GNPTAB: variants seen among roughly 807,000 people sequenced by gnomAD.
GNPTAB encodes the protein N-acetylglucosamine-1-phosphate transferase subunits alpha and beta.
In GNPTAB, 92 loss-of-function variants were observed where a neutral mutation model predicts 136.6. That is an observed-to-expected ratio of 0.67 (90% confidence interval 0.57 to 0.80). The LOEUF (loss-of-function observed/expected upper bound fraction) is 0.80, where lower values mean the gene tolerates loss of function less well. Among genes scored for constraint, GNPTAB ranks in the 30% least tolerant of loss-of-function variants. The probability of loss-of-function intolerance (pLI) is 0.00; values close to 1 mark genes in which losing one functional copy is unlikely to be tolerated. For synonymous variants in GNPTAB, 512 were observed against 535.1 expected (o/e 0.96, Z 0.60); for missense variants, 1,343 against 1,501.8 (o/e 0.89, Z 1.75).
chr12:101,767,947 G>A (rs750611385), intron 11 of GNPTAB, 90 bp downstream of exon 11: 1 of 1,339,366 alleles, frequency 7.5e-7, no homozygotes, highest in Non-Finnish European at 1.1e-6. Context: ...CATAAAGAAT[G>A]TTTGGTTAAG....
At chr12:101,824,432 ATTTTC>A (rs1870979355) in intron 1 of GNPTAB, among the ~76,000 whole-genome samples, 1 of 50,886 alleles carries the variant, frequency 2.0e-5, no homozygotes, top group Non-Finnish European at 3.5e-5. Flanking sequence ...ATATATATAT[ATTTTC>A]TTTTTTTTTT....
At chr12:101,791,430 A>G (rs977453504) in intron 2 of GNPTAB, among the ~76,000 whole-genome samples, 3 of 151,840 alleles carry the variant, frequency 2.0e-5, no homozygotes, top group African/African-American at 7.3e-5. Context: ...CACACATAAA[A>G]TACACTAACA....
chr12:101,830,523 G>C, intron 1 of GNPTAB, 36 bp downstream of exon 1: 1 of 1,275,600 alleles, frequency 7.8e-7, no homozygotes, highest in Non-Finnish European at 1.1e-6. Context: ...GTGCAGGGTC[G>C]AGGCGCCCGG....
In GNPTAB at chr12:101,825,757, T is replaced by C. The variant is rs563177077; in HGVS notation, c.117+4802A>G. 1.0e-3 allele frequency among the ~76,000 whole-genome samples: 159 copies of C among 152,358 alleles called. 1 individual carries two copies. Among genetic ancestry groups the C allele is most frequent in the African/African-American group, 3.7e-3 (154 of 41,580 alleles). On this transcript the variant is annotated intron_variant, in intron 1 of 20. Coordinates refer to ENST00000299314, the MANE Select transcript of GNPTAB (RefSeq NM_024312.5). ...ATGTATATTCACAAAACATTAAAGCTAAAATGAGGCTCTTAGAAATATAGT... is the reference window on the plus strand; with the variant it reads ...ATGTATATTCACAAAACATTAAAGCCAAAATGAGGCTCTTAGAAATATAGT...
At chr12:101,784,283 AGG>A (rs1868505782) in intron 5 of GNPTAB, among the ~76,000 whole-genome samples, 1 of 152,208 alleles carries the variant, frequency 6.6e-6, no homozygotes, top group Non-Finnish European at 1.5e-5. Flanking sequence ...TGGACGAAGC[AGG>A]GGATGTACTG....
rs114458598 is a variant in GNPTAB at position 101,808,879 on chromosome 12, C to T, written c.118-12117G>A. On this transcript the variant is annotated intron_variant, in intron 1 of 20. Transcript: ENST00000299314. Reference sequence around the variant, plus strand: ...AGGAGAATTGCCTGAACCCGGGAGGCGGAGGCTACGGTAAGCCAAGATTGC... The same window carrying T: ...AGGAGAATTGCCTGAACCCGGGAGGTGGAGGCTACGGTAAGCCAAGATTGC... Among the ~76,000 whole-genome samples, 1,080 of 152,210 alleles carry T rather than the reference C, an allele frequency of 7.1e-3. 12 individuals carry two copies. Among genetic ancestry groups the T allele is most frequent in the African/African-American group, 0.024 (1,005 of 41,528 alleles).
chr12:101,790,365 T>A (rs1868916922), intron 2 of GNPTAB, among the ~76,000 whole-genome samples: 3 of 152,228 alleles, frequency 2.0e-5, no homozygotes, highest in Admixed American at 2.0e-4. Context: ...AGTAGAGTAG[T>A]CTTGGAAGTT....
At chr12:101,798,930 G>A (rs1869455064) in intron 1 of GNPTAB, among the ~76,000 whole-genome samples, 2 of 152,096 alleles carry the variant, frequency 1.3e-5, no homozygotes, top group Non-Finnish European at 1.5e-5. Context: ...AAGAAGCAGA[G>A]GAAAGTCATG....
At chr12:101,763,386 C>T (rs1308387286) in intron 13 of GNPTAB, among the ~76,000 whole-genome samples, 1 of 152,040 alleles carries the variant, frequency 6.6e-6, no homozygotes, top group Non-Finnish European at 1.5e-5. Flanking sequence ...CCTTCACTCT[C>T]TTTTCTCCCA....
intron 1 of GNPTAB, among the ~76,000 whole-genome samples, chr12:101,817,988 T>C (rs59947006): frequency 0.06 from 9,172 of 152,252 alleles, 910 homozygotes; most frequent in African/African-American, 0.2. Flanking sequence ...CCCCATTTTC[T>C]TCAGGATGAA....
chr12:101,762,093 T>A (rs1594211734), intron 13 of GNPTAB, among the ~76,000 whole-genome samples: 1 of 152,210 alleles, frequency 6.6e-6, no homozygotes, highest in East Asian at 1.9e-4. Flanking sequence ...ATTTAGAAAA[T>A]TTATGTACAT....
intron 11 of GNPTAB, 123 bp downstream of exon 11, chr12:101,767,914 G>A: frequency 9.1e-7 from 1 of 1,094,260 alleles, no homozygotes; most frequent in Non-Finnish European, 1.4e-6. Context: ...ACCATGCCCA[G>A]CATTACTGAT....
At chr12:101,788,623 T>C in intron 3 of GNPTAB, 34 bp from the exon 4 acceptor site, 2 of 1,057,166 alleles carry the variant, frequency 1.9e-6, no homozygotes, top group Non-Finnish European at 1.5e-6. Context: ...ATTACATACA[T>C]ATGGGCTACT....
At chr12:101,805,494 A>G (rs144806222) in intron 1 of GNPTAB, among the ~76,000 whole-genome samples, 51 of 152,332 alleles carry the variant, frequency 3.3e-4, no homozygotes, top group African/African-American at 1.1e-3. Flanking sequence ...CCTAGGGCTC[A>G]GGCAATCCTC....
At chr12:101,798,998 G>C (rs1361877002) in intron 1 of GNPTAB, among the ~76,000 whole-genome samples, 1 of 152,086 alleles carries the variant, frequency 6.6e-6, no homozygotes, top group East Asian at 1.9e-4. Context: ...GTCTGCAGTG[G>C]TGGTTGCTGG....
At chr12:101,780,940 C>T (rs1566083165) in intron 5 of GNPTAB, among the ~76,000 whole-genome samples, 1 of 152,022 alleles carries the variant, frequency 6.6e-6, no homozygotes, top group African/African-American at 2.4e-5. Flanking sequence ...TATGCAAAGA[C>T]AGGGGGAAAA....
At chr12:101,808,270 G>A (rs1460836949) in intron 1 of GNPTAB, among the ~76,000 whole-genome samples, 1 of 151,044 alleles carries the variant, frequency 6.6e-6, no homozygotes, top group African/African-American at 2.4e-5. Context: ...TGACTCTAAA[G>A]TTACATGGCT....
intron 7 of GNPTAB, among the ~76,000 whole-genome samples, chr12:101,776,464 T>C (rs1258058499): frequency 1.3e-5 from 2 of 152,206 alleles, no homozygotes; most frequent in African/African-American, 2.4e-5. Context: ...AAAAGACTGA[T>C]TTATAAGACT....
chr12:101,801,536 T>G (rs1869623188), intron 1 of GNPTAB, among the ~76,000 whole-genome samples: 1 of 42,958 alleles, frequency 2.3e-5, no homozygotes, highest in African/African-American at 1.2e-4. Context: ...AGAGACCCTG[T>G]CTCAAAAAAA....
Sources: gnomAD v4.1 joint callset for allele counts (sites outside exome capture counted in the v4.1 genomes callset) on GRCh38, gnomAD v4.1.1 for gene constraint, MANE v1.5 for transcripts, NCBI Gene and HGNC (gene_info 2026-07-23, HGNC 2026-07-21) for gene names.